Variants in PARPBP observed in about 807,000 individuals in gnomAD.
PARPBP encodes PCNA-interacting partner.
Under a neutral mutation model 50.0 loss-of-function variants are expected in PARPBP, and 52 were observed. The ratio of observed to expected loss-of-function variants is 1.04; its 90% CI spans 0.83 to 1.31. PARPBP has a LOEUF of 1.31. Ranked by LOEUF, PARPBP falls within the 50% of genes most tolerant of loss-of-function variation. The probability of loss-of-function intolerance (pLI) is 0.00; values close to 1 mark genes in which losing one functional copy is unlikely to be tolerated. For missense variants in PARPBP, 697 were observed against 672.0 expected (o/e 1.04, Z -0.41); for synonymous variants, 244 against 232.1 (o/e 1.05, Z -0.47).
chr12:102,127,355 G>A (rs1483581981), intron 2 of PARPBP, among the ~76,000 whole-genome samples: 5 of 150,822 alleles, frequency 3.3e-5, no homozygotes, highest in African/African-American at 9.8e-5. Context: ...GATCACTCCA[G>A]TGCACTCTAG....
chr12:102,160,089 T>TA (rs1159970415), intron 4 of PARPBP, among the ~76,000 whole-genome samples: 1 of 152,192 alleles, frequency 6.6e-6, no homozygotes, highest in Non-Finnish European at 1.5e-5. Flanking sequence ...TAACTATACT[T>TA]ATGTGGACTG....
At chr12:102,152,567 G>A (rs1298516917) in intron 3 of PARPBP, among the ~76,000 whole-genome samples, 1 of 152,150 alleles carries the variant, frequency 6.6e-6, no homozygotes, top group African/African-American at 2.4e-5. Context: ...TCCTGTGTAA[G>A]CTGACAATTC....
chr12:102,129,262 T>C (rs143552430), intron 2 of PARPBP, among the ~76,000 whole-genome samples: 1 of 152,322 alleles, frequency 6.6e-6, no homozygotes, highest in East Asian at 1.9e-4. Flanking sequence ...ATTGAGACTG[T>C]GGGCATACGC....
At chr12:102,124,852 A>C (rs528793759) in intron 2 of PARPBP, among the ~76,000 whole-genome samples, 87 of 152,282 alleles carry the variant, frequency 5.7e-4, no homozygotes, top group African/African-American at 2.0e-3. Context: ...TAGACAGTAA[A>C]ATTTCTAAAA....
At chr12:102,183,580 A>G (rs956902039) in intron 9 of PARPBP, among the ~76,000 whole-genome samples, 2 of 152,138 alleles carry the variant, frequency 1.3e-5, no homozygotes, top group Admixed American at 1.3e-4. Context: ...AAATTTGTCA[A>G]TTCTTTGTCA....
chr12:102,192,414 A>AGAAGCCAGGTCTTCT (rs1437103406), intron 9 of PARPBP, among the ~76,000 whole-genome samples: 1 of 152,140 alleles, frequency 6.6e-6, no homozygotes, highest in Non-Finnish European at 1.5e-5. Flanking sequence ...GGCCAGCATT[A>AGAAGCCAGGTCTTCT]GAAGCCAGGT....
At chr12:102,160,877 G>A (rs1297683542) in intron 4 of PARPBP, among the ~76,000 whole-genome samples, 1 of 152,074 alleles carries the variant, frequency 6.6e-6, no homozygotes, top group East Asian at 1.9e-4. Flanking sequence ...GAACTTGGGA[G>A]GCTGAGGTTG....
intron 7 of PARPBP, among the ~76,000 whole-genome samples, chr12:102,178,162 A>C (rs181034546): frequency 6.2e-4 from 94 of 152,326 alleles, no homozygotes; most frequent in Admixed American, 1.0e-3. Flanking sequence ...TGAATGAATG[A>C]ATGTCAACTA....
rs193203956 is a variant in PARPBP, at chr12:102,158,552, G to T, written c.495+4576G>T. Reference sequence around the variant, plus strand: ...CCCAAGCCCACCTTGAATGTTTCCTGCCCAGACCTGGTTCCTTTTAGAGAT... The same window carrying T: ...CCCAAGCCCACCTTGAATGTTTCCTTCCCAGACCTGGTTCCTTTTAGAGAT... On this transcript the variant is annotated intron_variant, in intron 4 of 10. Coordinates refer to ENST00000327680, the MANE Select transcript of PARPBP (RefSeq NM_017915.5). Among the ~76,000 whole-genome samples the T allele has an allele frequency of 5.1e-3, 776 of 152,236 alleles. 3 individuals are homozygous for T. The highest frequency in any genetic ancestry group is 5.9e-3 in the Non-Finnish European group (401 of 68,022).
chr12:102,136,653 G>A (rs1054525270), intron 2 of PARPBP, among the ~76,000 whole-genome samples: 3 of 152,158 alleles, frequency 2.0e-5, no homozygotes, highest in African/African-American at 7.2e-5. Context: ...GAGGTGAGTT[G>A]CAACTGAGAT....
intron 6 of PARPBP, among the ~76,000 whole-genome samples, chr12:102,167,831 G>A (rs1471230667): frequency 1.3e-5 from 2 of 152,114 alleles, no homozygotes; most frequent in Non-Finnish European, 2.9e-5. Flanking sequence ...CCATGCTGAG[G>A]TGGGAGAGAA....
intron 3 of PARPBP, among the ~76,000 whole-genome samples, chr12:102,151,146 G>C (rs954327086): frequency 6.6e-6 from 1 of 152,124 alleles, no homozygotes; most frequent in Non-Finnish European, 1.5e-5. Context: ...CAGAGCTACT[G>C]GGGGGAATGA....
intron 2 of PARPBP, among the ~76,000 whole-genome samples, chr12:102,127,061 C>T (rs1414011240): frequency 6.6e-6 from 1 of 152,116 alleles, no homozygotes; most frequent in Non-Finnish European, 1.5e-5. Context: ...TAAGTAGTTA[C>T]ATGATAGACA....
In PARPBP at chr12:102,196,637, G is replaced by A; in HGVS notation, c.*346G>A. The stretch of plus-strand genomic sequence containing the variant: ...TTTTATTTTCTTCTGAAAAGATGAT[G>A]TGGACCAACAGGTATCAGACTTGCC... On this transcript the variant is annotated 3_prime_UTR_variant, in exon 11 of 11. Coordinates refer to ENST00000327680, the MANE Select transcript of PARPBP (RefSeq NM_017915.5). 1 of 1,592,700 alleles carries A rather than the reference G, an allele frequency of 6.3e-7. No homozygotes were observed. Among genetic ancestry groups the A allele is most frequent in the Non-Finnish European group, 8.6e-7 (1 of 1,160,888 alleles).
intron 2 of PARPBP, among the ~76,000 whole-genome samples, chr12:102,133,462 C>G (rs1236404957): frequency 6.6e-6 from 1 of 152,040 alleles, no homozygotes; most frequent in Non-Finnish European, 1.5e-5. Context: ...TTTGCATATG[C>G]TGAACCATCC....
At chr12:102,151,896 A>G in intron 3 of PARPBP, 1 of 850,254 alleles carries the variant, frequency 1.2e-6, no homozygotes, top group Non-Finnish European at 1.8e-6. Flanking sequence ...CAGGGACCCA[A>G]GGAGCTTCAG....
At position 102,164,478 on chromosome 12, in the gene PARPBP, A is replaced by T. The variant is rs1288870119; in HGVS notation, c.536A>T (p.Asn179Ile). 3.1e-6 allele frequency: 5 copies of T among 1,613,040 alleles called. No individual in the cohort carries two copies. The highest frequency in any genetic ancestry group is 1.3e-5 in the African/African-American group (1 of 75,022). The change falls in exon 5 of 11, where the codon AAT (asparagine) becomes ATT (isoleucine). Residue 179 changes from asparagine to isoleucine, a missense_variant. Physicochemically the swap from Asn to Ile is moderately radical, Grantham distance 149. Transcript: ENST00000327680. ...AGGAAAATTATCTTTTCATATTTAAATCTGCTAGTGAATTCAAAGAATGAC... is the reference window on the plus strand; with the variant it reads ...AGGAAAATTATCTTTTCATATTTAATTCTGCTAGTGAATTCAAAGAATGAC... ...LARKIIFSYL[N>I]LLVNSKNDLA...
At chr12:102,130,934 C>T (rs1565851874) in intron 2 of PARPBP, among the ~76,000 whole-genome samples, 2 of 151,760 alleles carry the variant, frequency 1.3e-5, no homozygotes, top group Non-Finnish European at 2.9e-5. Context: ...TACATGTGGC[C>T]AACAAGCATA....
intron 2 of PARPBP, among the ~76,000 whole-genome samples, chr12:102,142,833 G>C (rs891081759): frequency 6.6e-6 from 1 of 152,204 alleles, no homozygotes; most frequent in Non-Finnish European, 1.5e-5. Context: ...AAATGTTGCT[G>C]CCTGATCCTT....
Sources: gnomAD v4.1 joint callset for allele counts (sites outside exome capture counted in the v4.1 genomes callset) on GRCh38, gnomAD v4.1.1 for gene constraint, MANE v1.5 for transcripts, NCBI Gene and HGNC (gene_info 2026-07-23, HGNC 2026-07-21) for gene names.